ANKRD11: variants seen among roughly 807,000 people sequenced by gnomAD.
The protein encoded by ANKRD11 is ankyrin repeat domain 11, also known as ankyrin repeat domain-containing protein 11.
In ANKRD11, 17 loss-of-function variants were observed where a neutral mutation model predicts 195.7. The observed-to-expected ratio is 0.09, with a 90% CI of 0.06 to 0.13. The LOEUF is 0.13. Among genes scored for constraint, ANKRD11 ranks in the 10% least tolerant of loss-of-function variants. The pLI is 1.00. For missense variants in ANKRD11, 3,735 were observed against 3,566.1 expected, an observed-to-expected ratio of 1.05 and a Z score of -1.21; for synonymous variants, 1,953 against 1,528.1, an observed-to-expected ratio of 1.28 and a Z score of -6.49.
At chr16:89,446,857 C>T (rs1597436344) in intron 1 of ANKRD11, among the ~76,000 whole-genome samples, 2 of 152,156 alleles carry the variant, frequency 1.3e-5, no homozygotes, top group Admixed American at 6.5e-5. Context: ...CAGAGGCTCT[C>T]GCCAGCCCCC....
intron 2 of ANKRD11, among the ~76,000 whole-genome samples, chr16:89,317,626 C>G (rs999445554): frequency 2.6e-5 from 4 of 152,202 alleles, no homozygotes; most frequent in African/African-American, 4.8e-5. Flanking sequence ...CAAGGGGTGT[C>G]TCTGAGCGAG....
chr16:89,305,451 G>C (rs2151871175), intron 3 of ANKRD11, 107 bp from the exon 4 acceptor site: 1 of 1,477,586 alleles, frequency 6.8e-7, no homozygotes, highest in Non-Finnish European at 9.3e-7. Flanking sequence ...TTTGGGCAAT[G>C]AACACCCTCC....
rs767479061 is a variant in ANKRD11, at chr16:89,285,099, C to T, written c.1443G>A (p.Ser481=). 32 of 1,613,668 alleles carry T rather than the reference C, an allele frequency of 2.0e-5. No individual in the cohort carries two copies. Among genetic ancestry groups the T allele is most frequent in the South Asian group, 9.9e-5 (9 of 91,090 alleles). ...CCCCACTCTCTGAGGACTCGCTCTC[C>T]GACTCCGAGGAGCAGAACTTGTCGC... ...KRSDKFCSSE[S]ESESSESGED... The change falls in exon 9 of 13, where the codon TCG becomes TCA. Residue 481 remains serine (S), a synonymous_variant. Coordinates refer to ENST00000301030, the MANE Select transcript of ANKRD11 (RefSeq NM_013275.6). The surrounding 1 kb of genome is among the most constrained non-coding windows in gnomAD (Gnocchi z 5.6).
chr16:89,319,557 C>T (rs1251944218), intron 2 of ANKRD11, among the ~76,000 whole-genome samples: 1 of 152,244 alleles, frequency 6.6e-6, no homozygotes, highest in Non-Finnish European at 1.5e-5. Context: ...CTCGTGTCCG[C>T]CTGGCCTTGG....
intron 9 of ANKRD11, among the ~76,000 whole-genome samples, chr16:89,276,785 C>A (rs912149148): frequency 2.0e-5 from 3 of 152,200 alleles, no homozygotes; most frequent in African/African-American, 7.2e-5. Context: ...AGGCCGAGCG[C>A]AGTGGCTCAC....
In ANKRD11 at chr16:89,477,253, C is replaced by T. The variant is rs527315593; in HGVS notation, c.-145+12992G>A. Among the ~76,000 whole-genome samples the T allele has an allele frequency of 4.7e-5, 7 of 149,620 alleles. 1 individual carries two copies. The highest frequency in any genetic ancestry group is 4.0e-4 in the East Asian group (2 of 5,056). ...TGGTGCCCAAGCTGGAGTGCAGTGGCGCCATCTCGGCTCACTGCAACCTCC... is the reference window on the plus strand; with the variant it reads ...TGGTGCCCAAGCTGGAGTGCAGTGGTGCCATCTCGGCTCACTGCAACCTCC... On this transcript the variant is annotated intron_variant, in intron 1 of 12. Transcript: ENST00000301030.
At position 89,400,061 on chromosome 16, in the gene ANKRD11, G is replaced by A. The variant is rs542170509; in HGVS notation, c.-60+18223C>T. Among the ~76,000 whole-genome samples the A allele has an allele frequency of 2.9e-4, 23 of 79,388 alleles. 1 individual carries two copies. The highest frequency in any genetic ancestry group is 1.1e-3 in the African/African-American group (22 of 19,694). 52.1% of individuals were successfully genotyped at this position (79,388 alleles called of 152,430 possible). A position where few individuals can be genotyped will look rare whatever the true frequency, so the allele number is the denominator to read the frequency against. On this transcript the variant is annotated intron_variant, in intron 2 of 12. Transcript: ENST00000301030. Reference sequence around the variant, plus strand: ...CATCTGCTGCCCCAGGCTTCCCTGCGCTGGGGGCCGGTCATCTGCTGCCCC... The same window carrying A: ...CATCTGCTGCCCCAGGCTTCCCTGCACTGGGGGCCGGTCATCTGCTGCCCC...
Position 89,279,011 on chromosome 16 carries a change from T to TCCC in ANKRD11, c.7470+60_7470+61insGGG. The TCCC allele has an allele frequency of 6.2e-7, 1 of 1,602,064 alleles. No individual in the cohort carries two copies. On this transcript the variant is annotated intron_variant, in intron 9 of 12. Transcript: ENST00000301030. This position sits in a 1 kb window ranked among gnomAD's most constrained non-coding sequence, Gnocchi z 5.6. ...AAGACGGGCTGGAGGAAGCCGTGAC[T>TCCC]AGGGGCCCCAGACGCATCCCAGAGA...
chr16:89,328,955 G>A (rs1271734422), intron 2 of ANKRD11: 1 of 142,424 alleles, frequency 7.0e-6, no homozygotes, highest in East Asian at 2.1e-4. Context: ...AGGAGCACGG[G>A]CGAAATCAGT....
At chr16:89,472,451 G>A (rs1029648156) in intron 1 of ANKRD11, among the ~76,000 whole-genome samples, 3 of 152,222 alleles carry the variant, frequency 2.0e-5, no homozygotes, top group African/African-American at 7.2e-5. Context: ...AAGCAAAGGA[G>A]CAGCAAGGCT....
At chr16:89,389,398 A>G (rs2041071655) in intron 2 of ANKRD11, among the ~76,000 whole-genome samples, 1 of 152,194 alleles carries the variant, frequency 6.6e-6, no homozygotes, top group African/African-American at 2.4e-5. Context: ...GCATGTAAAT[A>G]AGAAAATATG....
intron 1 of ANKRD11, among the ~76,000 whole-genome samples, chr16:89,484,753 T>G (rs2057549248): frequency 6.6e-6 from 1 of 152,182 alleles, no homozygotes; most frequent in Non-Finnish European, 1.5e-5. Context: ...GGGGAAAGTC[T>G]TCTGAATTTT....
At position 89,329,348 on chromosome 16, in the gene ANKRD11, C is replaced by T. The variant is rs371190860; in HGVS notation, c.-59-12270G>A. Among the ~76,000 whole-genome samples the T allele has an allele frequency of 3.3e-5, 5 of 152,228 alleles. No homozygotes were observed. The East Asian group carries it at 7.7e-4, about 24-fold the overall frequency. The stretch of plus-strand genomic sequence containing the variant: ...AAGGTGGGGAAGGGCACAAGGGATG[C>T]TGCTATTTTTGCAACTTCCTGTGAG... On this transcript the variant is annotated intron_variant, in intron 2 of 12. Transcript: ENST00000301030.
At chr16:89,367,094 C>A (rs2039979678) in intron 2 of ANKRD11, among the ~76,000 whole-genome samples, 2 of 152,324 alleles carry the variant, frequency 1.3e-5, no homozygotes, top group South Asian at 4.1e-4. Context: ...CAAGATGCCA[C>A]CCCGAGACTC....
intron 2 of ANKRD11, among the ~76,000 whole-genome samples, chr16:89,336,065 A>G (rs3102376): frequency 6.6e-6 from 1 of 152,098 alleles, no homozygotes; most frequent in Non-Finnish European, 1.5e-5. Flanking sequence ...TATTCCTGCC[A>G]GTTGGTTTGA....
chr16:89,336,691 C>T (rs924270845), intron 2 of ANKRD11, among the ~76,000 whole-genome samples: 14 of 152,200 alleles, frequency 9.2e-5, no homozygotes, highest in African/African-American at 2.9e-4. Flanking sequence ...CTAGGAGACC[C>T]GGCCTGTCCT....
chr16:89,379,220 G>A (rs971042833), intron 2 of ANKRD11, among the ~76,000 whole-genome samples: 3 of 152,370 alleles, frequency 2.0e-5, no homozygotes, highest in South Asian at 2.1e-4. Flanking sequence ...GGTGCACACC[G>A]TCTGTATGTG....
intron 1 of ANKRD11, among the ~76,000 whole-genome samples, chr16:89,441,400 A>G (rs907886641): frequency 3.3e-5 from 5 of 152,156 alleles, no homozygotes; most frequent in Non-Finnish European, 7.4e-5. Context: ...TGCACATCCA[A>G]TGTCAGAATA....
At chr16:89,391,407 A>T (rs1466373647) in intron 2 of ANKRD11, among the ~76,000 whole-genome samples, 1 of 152,102 alleles carries the variant, frequency 6.6e-6, no homozygotes, top group Non-Finnish European at 1.5e-5. Flanking sequence ...CTCCAGGTAG[A>T]CAGTGTCCAG....
Sources: gnomAD v4.1 joint callset for allele counts (sites outside exome capture counted in the v4.1 genomes callset) on GRCh38, gnomAD v4.1.1 for gene constraint, Gnocchi (gnomAD v3.1) non-coding constraint, MANE v1.5 for transcripts, NCBI Gene and HGNC (gene_info 2026-07-23, HGNC 2026-07-21) for gene names.